The following CCDC102B variants were observed in gnomAD, a reference collection of about 807,000 sequenced individuals.
CCDC102B encodes the protein coiled-coil domain-containing protein 102B.
CCDC102B carries 75 observed loss-of-function variants against 57.4 expected under a neutral mutation model. That is an observed-to-expected ratio of 1.31 (90% CI 1.08 to 1.58). The LOEUF is 1.58. Ranked by LOEUF, CCDC102B falls within the 40% of genes most tolerant of loss-of-function variation. The probability of loss-of-function intolerance (pLI) is 0.00; values close to 1 mark genes in which losing one functional copy is unlikely to be tolerated. For missense variants in CCDC102B, 636 were observed against 582.6 expected (o/e 1.09, Z -0.94); for synonymous variants, 206 against 201.9 (o/e 1.02, Z -0.17).
At position 68,882,826 on chromosome 18, in the gene CCDC102B, T is replaced by C. The variant is rs534924720; in HGVS notation, c.1053+8041T>C. ...GTAACCATAAAAAATAATGAGATCA[T>C]GTCCTTTGCAGGGACATGGATGGGG... On this transcript the variant is annotated intron_variant, in intron 5 of 7. Transcript: ENST00000360242. Among the ~76,000 whole-genome samples, 5 of 152,304 alleles carry C rather than the reference T, an allele frequency of 3.3e-5. No homozygotes were observed. The South Asian group carries it at 8.3e-4, about 25-fold the overall frequency.
In CCDC102B at chr18:68,837,309, G is replaced by C; in HGVS notation, c.546G>C (p.Glu182Asp). The change falls in exon 2 of 8, where the codon GAG becomes GAC. Residue 182 changes from glutamate (E) to aspartate (D), a missense_variant. Glu to Asp is a conservative substitution (Grantham distance 45). Coordinates refer to ENST00000360242, the MANE Select transcript of CCDC102B (RefSeq NM_024781.3). Reference sequence around the variant, plus strand: ...TTCAATTGAGTTCACAAATGCATGAGTCTATCAGAGAGTATTTGGTAAAAA... The same window carrying C: ...TTCAATTGAGTTCACAAATGCATGACTCTATCAGAGAGTATTTGGTAAAAA... ...DQFQLSSQMH[E>D]SIREYLVKRQ... The C allele has an allele frequency of 6.2e-7, 1 of 1,613,714 alleles. No homozygotes were observed. The highest frequency in any genetic ancestry group is 8.5e-7 in the Non-Finnish European group (1 of 1,179,798).
At chr18:68,841,520 C>G (rs892120890) in intron 3 of CCDC102B, among the ~76,000 whole-genome samples, 15 of 152,220 alleles carry the variant, frequency 9.9e-5, no homozygotes, top group South Asian at 6.2e-4. Flanking sequence ...TCTTATAGGC[C>G]TATGTGTACC....
At chr18:68,770,146 C>T (rs908498300) in intron 2 of CCDC102B, among the ~76,000 whole-genome samples, 1 of 152,182 alleles carries the variant, frequency 6.6e-6, no homozygotes, top group Admixed American at 6.5e-5. Context: ...GGCTCCTCTG[C>T]ATACACCTTT....
At chr18:68,913,771 A>T (rs1386640461) in intron 6 of CCDC102B, among the ~76,000 whole-genome samples, 1 of 152,204 alleles carries the variant, frequency 6.6e-6, no homozygotes, top group Non-Finnish European at 1.5e-5. Flanking sequence ...CGTAATTTTA[A>T]ATCACTTTCT....
chr18:68,815,962 G>A (rs565973994), intron 1 of CCDC102B, among the ~76,000 whole-genome samples: 2 of 152,208 alleles, frequency 1.3e-5, no homozygotes, highest in East Asian at 1.9e-4. Flanking sequence ...TTGGAAAAAG[G>A]ATTTTTCACA....
At chr18:68,926,354 G>GT (rs1368347679) in intron 6 of CCDC102B, among the ~76,000 whole-genome samples, 1 of 151,610 alleles carries the variant, frequency 6.6e-6, no homozygotes, top group Non-Finnish European at 1.5e-5. Context: ...TGTCTATTAT[G>GT]TTTTTGCAGA....
chr18:69,000,716 A>G (rs1201612999), intron 6 of CCDC102B, among the ~76,000 whole-genome samples: 1 of 152,206 alleles, frequency 6.6e-6, no homozygotes, highest in East Asian at 1.9e-4. Flanking sequence ...AATTTAAACA[A>G]GAGAATGACC....
chr18:69,000,589 G>T (rs1195781961), intron 6 of CCDC102B, among the ~76,000 whole-genome samples: 1 of 152,096 alleles, frequency 6.6e-6, no homozygotes, highest in Non-Finnish European at 1.5e-5. Context: ...ACTAGTCAGA[G>T]ACATTATCAG....
At chr18:68,803,337 T>C (rs935537118) in intron 1 of CCDC102B, among the ~76,000 whole-genome samples, 4 of 152,164 alleles carry the variant, frequency 2.6e-5, no homozygotes, top group African/African-American at 9.7e-5. Flanking sequence ...ATAGTCTAGC[T>C]GGTAAAGCAG....
chr18:68,901,382 C>A (rs1430449513), intron 6 of CCDC102B, among the ~76,000 whole-genome samples: 2 of 152,086 alleles, frequency 1.3e-5, no homozygotes, highest in Non-Finnish European at 2.9e-5. Flanking sequence ...TCATGGGTGG[C>A]ACACAAACAG....
At chr18:68,847,471 C>T (rs2037925694) in intron 4 of CCDC102B, among the ~76,000 whole-genome samples, 1 of 151,744 alleles carries the variant, frequency 6.6e-6, no homozygotes, top group African/African-American at 2.4e-5. Context: ...GCAGCACAGA[C>T]TTGTTAATCT....
chr18:68,995,313 A>G (rs2050993690), intron 6 of CCDC102B, among the ~76,000 whole-genome samples: 1 of 152,186 alleles, frequency 6.6e-6, no homozygotes, highest in East Asian at 1.9e-4. Context: ...TGCATAAGTA[A>G]CAAGGAGCTG....
At chr18:68,963,400 T>G (rs572857080) in intron 6 of CCDC102B, among the ~76,000 whole-genome samples, 73 of 152,102 alleles carry the variant, frequency 4.8e-4, no homozygotes, top group African/African-American at 1.7e-3. Flanking sequence ...TTCATATAAA[T>G]TGGTCAGATA....
Position 68,747,901 on chromosome 18 carries a change from G to T in CCDC102B, c.-67+31307G>T, listed in dbSNP as rs572830054. ...TACCCAGCAATGGGATTGCTGAATT[G>T]TATAGTAGCTCTATTTTTAATTTTT... On this transcript the variant is annotated intron_variant, in intron 2 of 3. Transcript: ENST00000578970. Among the ~76,000 whole-genome samples the T allele has an allele frequency of 3.9e-5, 6 of 152,212 alleles. No individual in the cohort carries two copies. The East Asian group carries it at 9.7e-4, about 24-fold the overall frequency.
chr18:68,750,963 AC>A (rs199891434), intron 2 of CCDC102B, among the ~76,000 whole-genome samples: 3,550 of 152,008 alleles, frequency 0.023, 124 homozygotes, highest in African/African-American at 0.081. Flanking sequence ...ATAAAAAAAA[AC>A]AAAAACAAAG....
chr18:68,827,042 A>G (rs1192043809), intron 1 of CCDC102B, among the ~76,000 whole-genome samples: 1 of 151,646 alleles, frequency 6.6e-6, no homozygotes, highest in Admixed American at 6.6e-5. Flanking sequence ...TTAAGTGTTG[A>G]AAAAAAAATC....
intron 4 of CCDC102B, among the ~76,000 whole-genome samples, chr18:68,861,487 A>G (rs1473715186): frequency 6.6e-6 from 1 of 152,128 alleles, no homozygotes; most frequent in Admixed American, 6.6e-5. Flanking sequence ...CATGTCTTGA[A>G]GCTTTTAAGT....
At chr18:68,781,284 C>T (rs2035000107) in intron 2 of CCDC102B, among the ~76,000 whole-genome samples, 1 of 151,906 alleles carries the variant, frequency 6.6e-6, no homozygotes. Context: ...TAATTTTATA[C>T]AAGAATACAT....
intron 2 of CCDC102B, among the ~76,000 whole-genome samples, chr18:68,772,165 C>A (rs190137190): frequency 6.6e-6 from 1 of 152,072 alleles, no homozygotes; most frequent in African/African-American, 2.4e-5. Context: ...AATTTGAACA[C>A]CTTGAACTGT....
Sources: gnomAD v4.1 joint callset for allele counts (sites outside exome capture counted in the v4.1 genomes callset) on GRCh38, gnomAD v4.1.1 for gene constraint, MANE v1.5 for transcripts, NCBI Gene and HGNC (gene_info 2026-07-23, HGNC 2026-07-21) for gene names.